Variants in NTM observed in about 807,000 individuals in gnomAD.
NTM encodes neurotrimin, also known as IgLON family member 2.
Under a neutral mutation model 42.1 loss-of-function variants are expected in NTM, and 13 were observed. That is an observed-to-expected ratio of 0.31 (90% CI 0.20 to 0.49). The LOEUF (loss-of-function observed/expected upper bound fraction) is 0.49, where lower values mean the gene tolerates loss of function less well. NTM is among the 20% of genes least tolerant of loss of function. NTM has a pLI of 0.99. For missense variants in NTM, 373 were observed against 452.8 expected, an observed-to-expected ratio of 0.82 and a Z score of 1.60; for synonymous variants, 187 against 179.2, an observed-to-expected ratio of 1.04 and a Z score of -0.35.
chr11:131,421,664 T>C (rs1947542468), intron 1 of NTM, among the ~76,000 whole-genome samples: 1 of 152,220 alleles, frequency 6.6e-6, no homozygotes, highest in Admixed American at 6.5e-5. Flanking sequence ...AACTGTCTCC[T>C]ATATCCTACC....
intron 1 of NTM, among the ~76,000 whole-genome samples, chr11:131,844,354 C>T (rs1168271904): frequency 1.3e-5 from 2 of 152,114 alleles, no homozygotes; most frequent in South Asian, 2.1e-4. Context: ...TTCTGGGGCC[C>T]ATTCCACACT....
chr11:131,810,266 GTCCCCATGTTGCTCAGAT>G (rs1481905982), intron 1 of NTM, among the ~76,000 whole-genome samples: 3 of 152,086 alleles, frequency 2.0e-5, no homozygotes, highest in African/African-American at 7.2e-5. Flanking sequence ...TTGACTCCCT[GTCCCCATGTTGCTCAGAT>G]TCCCTCATAT....
intron 7 of NTM, among the ~76,000 whole-genome samples, chr11:132,320,480 A>C (rs947598641): frequency 2.6e-5 from 4 of 152,080 alleles, no homozygotes; most frequent in Admixed American, 1.3e-4. Flanking sequence ...GGCTTAAAAA[A>C]CGGCGCACCA....
At chr11:131,840,480 CAG>C (rs1272686413) in intron 1 of NTM, among the ~76,000 whole-genome samples, 1 of 152,132 alleles carries the variant, frequency 6.6e-6, no homozygotes, top group African/African-American at 2.4e-5. Flanking sequence ...GATTTGAAAA[CAG>C]GGAGCTCAGT....
chr11:132,255,590 G>A (rs961426692), intron 4 of NTM, among the ~76,000 whole-genome samples: 1 of 152,232 alleles, frequency 6.6e-6, no homozygotes, highest in African/African-American at 2.4e-5. Flanking sequence ...AGTCAGAGAA[G>A]GGGGTGCGGA....
At chr11:131,873,517 T>G (rs919762140) in intron 1 of NTM, among the ~76,000 whole-genome samples, 1 of 114,912 alleles carries the variant, frequency 8.7e-6, no homozygotes, top group African/African-American at 3.2e-5. Flanking sequence ...ATCCCAGAAC[T>G]TAAAGTGTGT....
chr11:131,593,368 T>A (rs1169163200), intron 1 of NTM, among the ~76,000 whole-genome samples: 1 of 152,220 alleles, frequency 6.6e-6, no homozygotes, highest in Non-Finnish European at 1.5e-5. Context: ...TCTCAGCAGG[T>A]GGGGTACGAG....
chr11:132,278,355 G>A (rs2093816867), intron 4 of NTM, among the ~76,000 whole-genome samples: 1 of 152,218 alleles, frequency 6.6e-6, no homozygotes, highest in South Asian at 2.1e-4. Flanking sequence ...AAGACCTGAA[G>A]GCTAGGGATG....
intron 3 of NTM, among the ~76,000 whole-genome samples, chr11:132,160,356 A>G (rs978252736): frequency 6.6e-6 from 1 of 152,228 alleles, no homozygotes; most frequent in African/African-American, 2.4e-5. Flanking sequence ...ACAGCACTGC[A>G]TGAAGCTCAC....
chr11:131,458,893 TC>T (rs1306270155), intron 1 of NTM, among the ~76,000 whole-genome samples: 1 of 152,262 alleles, frequency 6.6e-6, no homozygotes, highest in Non-Finnish European at 1.5e-5. Context: ...CATTTACATT[TC>T]TAACAAGGTC....
chr11:131,619,044 A>AAACAACAACAAT (rs1254392165), intron 1 of NTM, among the ~76,000 whole-genome samples: 1 of 152,250 alleles, frequency 6.6e-6, no homozygotes, highest in African/African-American at 2.4e-5. Context: ...ATGCGAAAAC[A>AAACAACAACAAT]AACAACAACA....
chr11:131,507,740 T>C (rs1185133470), intron 1 of NTM, among the ~76,000 whole-genome samples: 2 of 148,370 alleles, frequency 1.3e-5, no homozygotes, highest in South Asian at 2.3e-4. Context: ...CCTTGAGCAG[T>C]GGTTTGTAGT....
At chr11:132,230,719 G>A (rs1311457813) in intron 4 of NTM, among the ~76,000 whole-genome samples, 1 of 152,196 alleles carries the variant, frequency 6.6e-6, no homozygotes, top group Non-Finnish European at 1.5e-5. Context: ...GCATGCCGGG[G>A]CCTGATATAA....
At chr11:131,914,591 A>G (rs1004669004) in intron 2 of NTM, among the ~76,000 whole-genome samples, 1 of 152,214 alleles carries the variant, frequency 6.6e-6, no homozygotes, top group African/African-American at 2.4e-5. Context: ...TTCTAATTTG[A>G]GGAAACTTTA....
intron 1 of NTM, chr11:131,533,821 G>T (rs377026974): frequency 6.6e-6 from 1 of 152,234 alleles, no homozygotes; most frequent in African/African-American, 2.4e-5. Context: ...AAAACAAACC[G>T]CAGGTTTTGT....
chr11:131,900,618 G>A (rs1657779168), intron 1 of NTM, among the ~76,000 whole-genome samples: 1 of 151,872 alleles, frequency 6.6e-6, no homozygotes, highest in African/African-American at 2.4e-5. Context: ...TATTTTGGAG[G>A]AAGAACACAG....
chr11:131,517,596 T>C (rs112808646), intron 1 of NTM, among the ~76,000 whole-genome samples: 2,689 of 152,036 alleles, frequency 0.018, 28 homozygotes, highest in South Asian at 0.034. Flanking sequence ...CTCTTTTTTT[T>C]CCCTTCTTTT....
intron 4 of NTM, among the ~76,000 whole-genome samples, chr11:132,221,794 G>A (rs984491200): frequency 5.3e-5 from 8 of 152,080 alleles, no homozygotes; most frequent in African/African-American, 1.2e-4. Context: ...TTTTAGAGAC[G>A]AAGGCATGAA....
At chr11:132,301,827 G>A (rs761362585) in intron 4 of NTM, among the ~76,000 whole-genome samples, 22 of 152,082 alleles carry the variant, frequency 1.4e-4, no homozygotes, top group East Asian at 7.7e-4. Flanking sequence ...AATTTCTGAC[G>A]TCCAAAGATT....
Sources: gnomAD v4.1 joint callset for allele counts (sites outside exome capture counted in the v4.1 genomes callset) on GRCh38, gnomAD v4.1.1 for gene constraint, MANE v1.5 for transcripts, NCBI Gene and HGNC (gene_info 2026-07-23, HGNC 2026-07-21) for gene names.